PUDP: variants seen among roughly 807,000 people sequenced by gnomAD.
PUDP encodes pseudouridine-5'-phosphatase.
In PUDP, 8 loss-of-function variants were observed where a neutral mutation model predicts 9.4. The ratio of observed to expected loss-of-function variants is 0.85; its 90% CI spans 0.50 to 1.53. The LOEUF (loss-of-function observed/expected upper bound fraction) is 1.53, where lower values mean the gene tolerates loss of function less well. Among genes scored for constraint, PUDP ranks in the 40% most tolerant of loss-of-function variants. The pLI, the probability that PUDP is intolerant of heterozygous loss-of-function variation, is 0.00. For synonymous variants in PUDP, 99 were observed against 80.7 expected (o/e 1.23, Z -1.22); for missense variants, 188 against 189.7 (o/e 0.99, Z 0.05).
chrX:6,782,829 G>A lies in PUDP; in HGVS notation c.*248-76363C>T, dbSNP rs192101142. ...GTGAGCCAGCATTTTCAAAGGAAGAGATTCAGTTGGTTCACCAGGAAGTCT... is the reference window on the plus strand; with the variant it reads ...GTGAGCCAGCATTTTCAAAGGAAGAAATTCAGTTGGTTCACCAGGAAGTCT... On this transcript the variant is annotated intron_variant and NMD_transcript_variant, in intron 3 of 3. Transcript: ENST00000655425. Among the ~76,000 whole-genome samples, 31 of 112,330 alleles carry A rather than the reference G, an allele frequency of 2.8e-4. No homozygotes were observed. In the Admixed American group the frequency reaches 2.9e-3, roughly 11 times the overall value.
intron 3 of PUDP, among the ~76,000 whole-genome samples, chrX:6,782,262 T>C (rs1925575663): frequency 9.0e-6 from 1 of 111,344 alleles, no homozygotes; most frequent in East Asian, 2.8e-4. Flanking sequence ...GCTCCATCCC[T>C]GGATACATTT....
At chrX:7,095,858 C>T (rs1208759248) in intron 2 of PUDP, among the ~76,000 whole-genome samples, 1 of 112,395 alleles carries the variant, frequency 8.9e-6, no homozygotes, top group Admixed American at 9.4e-5. Flanking sequence ...GGCCCTGAAG[C>T]CACTGGCACA....
intron 1 of PUDP, among the ~76,000 whole-genome samples, chrX:6,717,462 T>TC (rs1439820528): frequency 7.2e-5 from 8 of 111,462 alleles, no homozygotes; most frequent in Non-Finnish European, 1.9e-5. Flanking sequence ...TGGCCTCACA[T>TC]CTATTCTTGG....
At chrX:6,841,325 C>T (rs1926666947) in intron 3 of PUDP, among the ~76,000 whole-genome samples, 1 of 109,275 alleles carries the variant, frequency 9.2e-6, no homozygotes, top group African/African-American at 3.3e-5. Context: ...GGTGTGCTGG[C>T]TCATGCTTAT....
At chrX:7,044,415 T>C (rs1485059231), downstream of PUDP, among the ~76,000 whole-genome samples, 1 of 112,549 alleles carries the variant, frequency 8.9e-6, no homozygotes, top group East Asian at 2.8e-4. Context: ...ACCAGGAAAG[T>C]GACAATGAAA....
At chrX:6,753,957 T>G (rs764556874) in intron 3 of PUDP, among the ~76,000 whole-genome samples, 2 of 112,236 alleles carry the variant, frequency 1.8e-5, no homozygotes, top group African/African-American at 6.5e-5. Context: ...GTTCTTTTTG[T>G]TGTGTAAAAG....
chrX:6,746,097 C>G (rs757030701), intron 3 of PUDP, among the ~76,000 whole-genome samples: 33 of 112,296 alleles, frequency 2.9e-4, no homozygotes, highest in Non-Finnish European at 5.6e-4. Flanking sequence ...ACAAGAAGTG[C>G]TCTATCTTAT....
intron 3 of PUDP, among the ~76,000 whole-genome samples, chrX:6,870,615 T>C (rs1453542670): frequency 8.9e-6 from 1 of 112,323 alleles, no homozygotes; most frequent in Non-Finnish European, 1.9e-5. Context: ...TTATCAGCAG[T>C]GTGAAAATGG....
intron 1 of PUDP, among the ~76,000 whole-genome samples, chrX:6,712,651 A>G (rs1382291218): frequency 8.9e-6 from 1 of 111,848 alleles, no homozygotes; most frequent in Non-Finnish European, 1.9e-5. Flanking sequence ...GGGGAGCCAT[A>G]TACTGTGGAA....
At chrX:6,983,266 T>C (rs1220568515) in intron 1 of PUDP, among the ~76,000 whole-genome samples, 1 of 110,951 alleles carries the variant, frequency 9.0e-6, no homozygotes, top group African/African-American at 3.3e-5. Flanking sequence ...TTTTTAAGGA[T>C]AATTTGGTGG....
intron 3 of PUDP, among the ~76,000 whole-genome samples, chrX:6,836,639 G>A (rs1206270072): frequency 6.2e-5 from 7 of 112,150 alleles, no homozygotes; most frequent in Non-Finnish European, 1.3e-4. Context: ...ACCACAGCTG[G>A]GAAAGGCTTT....
chrX:7,046,022 C>T (rs778245326), downstream of PUDP, among the ~76,000 whole-genome samples: 456 of 112,456 alleles, frequency 4.1e-3, no homozygotes, highest in Non-Finnish European at 6.9e-3. Flanking sequence ...TTGCCATCAT[C>T]GGATCCATAT....
intron 3 of PUDP, among the ~76,000 whole-genome samples, chrX:7,070,102 A>G (rs1930682294): frequency 9.0e-6 from 1 of 111,491 alleles, no homozygotes; most frequent in Non-Finnish European, 1.9e-5. Context: ...CACTGCACCT[A>G]AGAGGGTAGA....
intron 3 of PUDP, among the ~76,000 whole-genome samples, chrX:6,752,117 T>C: frequency 3.6e-5 from 4 of 111,778 alleles, no homozygotes; most frequent in Non-Finnish European, 7.5e-5. Context: ...TAAATCCTCA[T>C]TCATTCTGAC....
chrX:6,839,418 G>A (rs1192060618), intron 3 of PUDP, among the ~76,000 whole-genome samples: 3 of 111,196 alleles, frequency 2.7e-5, no homozygotes, highest in Non-Finnish European at 3.8e-5. Flanking sequence ...AGGAGCAGTC[G>A]TTAGAAATTT....
At chrX:7,057,502 A>G in intron 3 of PUDP, 1 of 519,119 alleles carries the variant, frequency 1.9e-6, no homozygotes. Flanking sequence ...CTGAGAAGCA[A>G]TAGGGAACTG....
In PUDP at chrX:7,105,777, G is replaced by A. The variant is rs1486851848; in HGVS notation, c.123C>T (p.Tyr41=). The A allele has an allele frequency of 8.3e-7, 1 of 1,208,266 alleles. No individual in the cohort carries two copies. Among genetic ancestry groups the A allele is most frequent in the South Asian group, 1.8e-5 (1 of 56,715 alleles). ...QEICNRYDKK[Y]SWDVKSLVMG... ...TAACCAGGGACTTTACATCCCAGCT[G>A]TATTTCTTGTCATAGCGATTACATA... The change falls in exon 2 of 4, where the codon TAC becomes TAT. Residue 41 remains tyrosine (Y), a synonymous_variant. Transcript: ENST00000381077.
intron 3 of PUDP, among the ~76,000 whole-genome samples, chrX:6,909,832 G>A (rs1317080272): frequency 8.9e-6 from 1 of 112,386 alleles, no homozygotes; most frequent in Non-Finnish European, 1.9e-5. Flanking sequence ...TTTAGTTATA[G>A]GAAAATGTGT....
At chrX:6,827,984 G>T (rs953414121) in intron 3 of PUDP, among the ~76,000 whole-genome samples, 8 of 111,864 alleles carry the variant, frequency 7.2e-5, no homozygotes, top group African/African-American at 9.7e-5. Flanking sequence ...TTTTAAGTCA[G>T]GGAGGAGAAT....
Sources: allele counts gnomAD v4.1 joint callset (sites outside exome capture counted in the v4.1 genomes callset), GRCh38; gene constraint gnomAD v4.1.1; transcripts MANE v1.5; gene names NCBI Gene and HGNC (gene_info 2026-07-23, HGNC 2026-07-21).